The following PHACTR1 variants were observed in gnomAD, a reference collection of about 807,000 sequenced individuals.
The protein encoded by PHACTR1 is RPEL repeat containing 1.
A neutral mutation model predicts 69.2 loss-of-function variants in PHACTR1; 16 were observed. That is an observed-to-expected ratio of 0.23 (90% CI 0.16 to 0.35). The LOEUF is 0.35. Among genes scored for constraint, PHACTR1 ranks in the 10% least tolerant of loss-of-function variants. The probability of loss-of-function intolerance (pLI) is 1.00; values close to 1 mark genes in which losing one functional copy is unlikely to be tolerated. For missense variants in PHACTR1, 510 were observed against 734.7 expected (o/e 0.69, Z 3.54); for synonymous variants, 312 against 284.5 (o/e 1.10, Z -0.97).
chr6:13,166,764 G>A (rs953648592), intron 6 of PHACTR1, among the ~76,000 whole-genome samples: 1 of 152,104 alleles, frequency 6.6e-6, no homozygotes, highest in African/African-American at 2.4e-5. Context: ...ATACGCAAGG[G>A]ATTGGTTCCA....
intron 4 of PHACTR1, among the ~76,000 whole-genome samples, chr6:12,984,117 A>C (rs1795845489): frequency 1.3e-5 from 2 of 152,204 alleles, no homozygotes; most frequent in African/African-American, 2.4e-5. Context: ...TTGAGGAATC[A>C]CCACACTGTC....
intron 4 of PHACTR1, among the ~76,000 whole-genome samples, chr6:12,752,227 T>A (rs1247661261): frequency 6.6e-6 from 1 of 152,208 alleles, no homozygotes; most frequent in African/African-American, 2.4e-5. Flanking sequence ...TAAGAGTAAT[T>A]GTAACCCCTG....
intron 4 of PHACTR1, among the ~76,000 whole-genome samples, chr6:12,930,592 C>G (rs1788760093): frequency 6.6e-6 from 1 of 152,130 alleles, no homozygotes; most frequent in African/African-American, 2.4e-5. Context: ...AGCACAGGAG[C>G]CTGAATCCAA....
intron 4 of PHACTR1, among the ~76,000 whole-genome samples, chr6:12,762,278 T>C (rs1768106780): frequency 6.6e-6 from 1 of 152,202 alleles, no homozygotes; most frequent in Non-Finnish European, 1.5e-5. Flanking sequence ...ATTTTATTAA[T>C]TAAAAAAAGC....
chr6:13,013,369 G>A (rs1276314489), intron 4 of PHACTR1, among the ~76,000 whole-genome samples: 2 of 152,252 alleles, frequency 1.3e-5, no homozygotes, highest in African/African-American at 2.4e-5. Flanking sequence ...TGGACCCGCC[G>A]GAGAGGGTAA....
In PHACTR1 at chr6:12,976,543, C is replaced by G. The variant is rs568000985; in HGVS notation, c.251-76822C>G. 2.6e-5 allele frequency among the ~76,000 whole-genome samples: 4 copies of G among 152,318 alleles called. No individual in the cohort carries two copies. In the South Asian group the frequency reaches 6.2e-4, roughly 24 times the overall value. On this transcript the variant is annotated intron_variant, in intron 4 of 14. Coordinates refer to ENST00000332995, the MANE Select transcript of PHACTR1 (RefSeq NM_030948.6). ...TACCCCATTGCTATAGTCTTTCCCACTTATCAGCAATTTTACTTTCTGTGG... is the reference window on the plus strand; with the variant it reads ...TACCCCATTGCTATAGTCTTTCCCAGTTATCAGCAATTTTACTTTCTGTGG...
At chr6:13,139,079 A>C (rs1821998509) in intron 5 of PHACTR1, among the ~76,000 whole-genome samples, 1 of 151,586 alleles carries the variant, frequency 6.6e-6, no homozygotes, top group African/African-American at 2.4e-5. Context: ...TTAGTTAGAG[A>C]AATCATATCA....
At chr6:12,913,319 C>A (rs1471916047) in intron 4 of PHACTR1, among the ~76,000 whole-genome samples, 1 of 152,182 alleles carries the variant, frequency 6.6e-6, no homozygotes, top group Non-Finnish European at 1.5e-5. Context: ...AATGTCAAAA[C>A]CTTCACTCAA....
In PHACTR1 at chr6:12,781,151, T is replaced by C. The variant is rs1581717637; in HGVS notation, c.250+31361T>C. On this transcript the variant is annotated intron_variant, in intron 4 of 14. Transcript: ENST00000332995. ...ACATGAAGAATGAAAAATCAATAAA[T>C]TCTTTAAGTGGTTTTGAGTCCCCAC... Among the ~76,000 whole-genome samples, 4 of 152,270 alleles carry C rather than the reference T, an allele frequency of 2.6e-5. No homozygotes were observed. The South Asian group carries it at 8.3e-4, about 32-fold the overall frequency.
intron 4 of PHACTR1, among the ~76,000 whole-genome samples, chr6:12,778,883 A>C (rs1024645459): frequency 4.6e-5 from 7 of 152,216 alleles, no homozygotes; most frequent in Non-Finnish European, 8.8e-5. Flanking sequence ...TGCAAATTAG[A>C]AAAGGGTCCC....
intron 3 of PHACTR1, among the ~76,000 whole-genome samples, chr6:12,732,098 C>T (rs557661916): frequency 6.6e-6 from 1 of 151,790 alleles, no homozygotes; most frequent in Non-Finnish European, 1.5e-5. Context: ...GGAGGGAAAC[C>T]TGCCCGAGTC....
intron 5 of PHACTR1, among the ~76,000 whole-genome samples, chr6:13,127,321 C>T (rs1819684438): frequency 6.6e-6 from 1 of 152,188 alleles, no homozygotes; most frequent in African/African-American, 2.4e-5. Flanking sequence ...AATCCCAACA[C>T]TTTGGGAGGC....
intron 4 of PHACTR1, among the ~76,000 whole-genome samples, chr6:12,882,697 G>C (rs1206051726): frequency 6.6e-6 from 1 of 152,168 alleles, no homozygotes. Context: ...CCCCAGGTTG[G>C]AGCAAACCCT....
intron 3 of PHACTR1, among the ~76,000 whole-genome samples, chr6:12,749,145 G>C (rs1377835679): frequency 2.6e-5 from 4 of 152,260 alleles, no homozygotes; most frequent in Non-Finnish European, 5.9e-5. Flanking sequence ...CTCACATAGA[G>C]CAGCCTGTGG....
At chr6:12,878,031 TG>T (rs1348343699) in intron 4 of PHACTR1, among the ~76,000 whole-genome samples, 1 of 152,228 alleles carries the variant, frequency 6.6e-6, no homozygotes, top group African/African-American at 2.4e-5. Flanking sequence ...CATATCATGC[TG>T]GGTTGCAGTT....
intron 7 of PHACTR1, among the ~76,000 whole-genome samples, chr6:13,184,287 G>GA (rs1156585913): frequency 6.6e-6 from 1 of 152,152 alleles, no homozygotes; most frequent in African/African-American, 2.4e-5. Flanking sequence ...AGACAGAGCG[G>GA]ACCCAGTGGA....
intron 4 of PHACTR1, among the ~76,000 whole-genome samples, chr6:12,821,269 C>G (rs1024808718): frequency 2.0e-5 from 3 of 152,064 alleles, no homozygotes; most frequent in African/African-American, 7.2e-5. Context: ...TGAGACCATC[C>G]TGGCCAACAT....
intron 4 of PHACTR1, among the ~76,000 whole-genome samples, chr6:12,850,702 C>T (rs1038252297): frequency 2.0e-5 from 3 of 152,204 alleles, no homozygotes; most frequent in Non-Finnish European, 4.4e-5. Flanking sequence ...CCTCCCTTGC[C>T]TCTTCCAGCT....
intron 4 of PHACTR1, among the ~76,000 whole-genome samples, chr6:12,976,950 G>C (rs1206750431): frequency 6.6e-6 from 1 of 152,158 alleles, no homozygotes; most frequent in Non-Finnish European, 1.5e-5. Context: ...AGTATGTATA[G>C]GGTTCGCTAT....
Sources: allele counts gnomAD v4.1 joint callset (sites outside exome capture counted in the v4.1 genomes callset), GRCh38; gene constraint gnomAD v4.1.1; transcripts MANE v1.5; gene names NCBI Gene and HGNC (gene_info 2026-07-23, HGNC 2026-07-21).